MAP1A: variants seen among roughly 807,000 people sequenced by gnomAD.
MAP1A encodes the protein microtubule associated protein 1A.
A neutral mutation model predicts 185.9 loss-of-function variants in MAP1A; 42 were observed. The observed-to-expected ratio is 0.23, with a 90% CI of 0.18 to 0.29. MAP1A has a LOEUF of 0.29. MAP1A is among the 10% of genes least tolerant of loss of function. The pLI is 1.00. For missense variants in MAP1A, 2,995 were observed against 3,450.4 expected (o/e 0.87, Z 3.31); for synonymous variants, 1,229 against 1,335.9 (o/e 0.92, Z 1.74).
In MAP1A at chr15:43,524,318, G is replaced by C; in HGVS notation, c.2845G>C (p.Glu949Gln). The change falls in exon 4 of 6, where the codon GAG (glutamate) becomes CAG (glutamine). Residue 949 changes from glutamate (E) to glutamine (Q), a missense_variant. By Grantham distance (29) the Glu-to-Gln change is conservative. Transcript: ENST00000300231. ...EEEEEETANV[E>Q]MSEKLCSQYG... Reference sequence around the variant, plus strand: ...GGAAGAGGAGGAGACAGCAAACGTAGAGATGTCTGAGAAACTTTGCAGTCA... The same window carrying C: ...GGAAGAGGAGGAGACAGCAAACGTACAGATGTCTGAGAAACTTTGCAGTCA... The C allele has an allele frequency of 6.2e-7, 1 of 1,614,246 alleles. No individual in the cohort carries two copies. Among genetic ancestry groups the C allele is most frequent in the Non-Finnish European group, 8.5e-7 (1 of 1,180,046 alleles).
In MAP1A at chr15:43,511,204, C is replaced by A. The variant is rs758936688; in HGVS notation, c.216C>A (p.Ala72=). 79 of 1,550,478 alleles carry A rather than the reference C, an allele frequency of 5.1e-5. No individual in the cohort carries two copies. The Middle Eastern group carries it at 1.2e-3, about 23-fold the overall frequency. Reference sequence around the variant, plus strand: ...TCGGTACAGAGAGTCAGCTGAGGGCCGTGCGGGCCCACCTTGAACAAGGTG... The same window carrying A: ...TCGGTACAGAGAGTCAGCTGAGGGCAGTGCGGGCCCACCTTGAACAAGGTG... Residue 72 remains alanine, a synonymous_variant, in exon 1 of 7, where the codon GCC becomes GCA. Transcript: ENST00000382031.
chr15:43,520,592 A>G lies in MAP1A; in HGVS notation c.-374-49A>G, dbSNP rs893818055. The G allele has an allele frequency of 2.0e-5, 25 of 1,232,552 alleles. No homozygotes were observed. In the African/African-American group the frequency reaches 3.5e-4, roughly 17 times the overall value. 76.4% of individuals were successfully genotyped at this position (1,232,552 alleles called of 1,614,324 possible). A position where few individuals can be genotyped will look rare whatever the true frequency, so the allele number is the denominator to read the frequency against. On this transcript the variant is annotated intron_variant, in intron 1 of 5. Coordinates refer to ENST00000300231, the MANE Select transcript of MAP1A (RefSeq NM_002373.6). ...AGCACATTCTTTCCTCTCCTGCACCACAATTTCTATACCTATTCTCAATAT... is the reference window on the plus strand; with the variant it reads ...AGCACATTCTTTCCTCTCCTGCACCGCAATTTCTATACCTATTCTCAATAT...
chr15:43,521,369 C>T lies in MAP1A; in HGVS notation c.-105C>T. ...TAGAGACCCTGGGATACAGGCCTTC[C>T]TTACCGTGTCCTGCTTAGGGGAAGG... On this transcript the variant is annotated 5_prime_UTR_variant, in exon 4 of 6. Transcript: ENST00000300231. The surrounding 1 kb of genome is among the most constrained non-coding windows in gnomAD (Gnocchi z 4.6). 6.2e-7 allele frequency: 1 copy of T among 1,613,566 alleles called. No individual in the cohort carries two copies.
Position 43,522,599 on chromosome 15 carries a change from A to C in MAP1A, c.1126A>C (p.Lys376Gln). 1 of 1,612,790 alleles carries C rather than the reference A, an allele frequency of 6.2e-7. No individual in the cohort carries two copies. Among genetic ancestry groups the C allele is most frequent in the South Asian group, 1.1e-5 (1 of 90,872 alleles). Residue 376 changes from lysine to glutamine, a missense_variant, in exon 4 of 6, where the codon AAG (lysine) becomes CAG (glutamine). Lys to Gln is a moderately conservative substitution (Grantham distance 53). Coordinates refer to ENST00000300231, the MANE Select transcript of MAP1A (RefSeq NM_002373.6). The surrounding 1 kb of genome is among the most constrained non-coding windows in gnomAD (Gnocchi z 5.9). ...SSEKPPEKPAKPERVKTESSE... is the reference protein window; with the variant it reads ...SSEKPPEKPAQPERVKTESSE... Reference sequence around the variant, plus strand: ...TGAGAAGCCCCCAGAGAAGCCTGCCAAGCCTGAGAGGGTGAAGACAGAGTC... The same window carrying C: ...TGAGAAGCCCCCAGAGAAGCCTGCCCAGCCTGAGAGGGTGAAGACAGAGTC...
chr15:43,520,288 C>G (rs2079314234), intron 1 of MAP1A, among the ~76,000 whole-genome samples: 1 of 152,174 alleles, frequency 6.6e-6, no homozygotes, highest in Non-Finnish European at 1.5e-5. Context: ...CTGAGCCCCC[C>G]ATCCCCAGGC....
In MAP1A at chr15:43,523,527, T is replaced by A. The variant is rs766988607; in HGVS notation, c.2054T>A (p.Met685Lys). ...GCTGAGGGTTTTTACCAAAAACATA[T>A]GCAGGAACCCTTGAAGGTAACTCCA... ...TKAEGFYQKH[M>K]QEPLKVTPRS... Residue 685 changes from methionine (M) to lysine (K), a missense_variant, in exon 4 of 6, where the codon ATG becomes AAG. Transcript: ENST00000300231. The A allele has an allele frequency of 5.0e-6, 8 of 1,614,084 alleles. No individual in the cohort carries two copies. In the East Asian group the frequency reaches 1.8e-4, roughly 36 times the overall value.
Position 43,521,999 on chromosome 15 carries a change from C to T in MAP1A, c.526C>T (p.Leu176=). 1 of 1,614,226 alleles carries T rather than the reference C, an allele frequency of 6.2e-7. No homozygotes were observed. Among genetic ancestry groups the T allele is most frequent in the Non-Finnish European group, 8.5e-7 (1 of 1,180,040 alleles). The part of the protein sequence containing the change: ...LNRLGIQAEP[L]YRVVSNTIEP... The stretch of plus-strand genomic sequence containing the variant: ...CCGCCTGGGCATCCAGGCTGAGCCT[C>T]TATATCGTGTGGTCAGCAATACCAT... Residue 176 remains leucine (L), a synonymous_variant, in exon 4 of 6, where the codon CTA becomes TTA. Transcript: ENST00000300231. The surrounding 1 kb of genome is among the most constrained non-coding windows in gnomAD (Gnocchi z 4.6).
rs569512426 is a variant in MAP1A, at chr15:43,529,945, T to C, written c.8256+75T>C. 8 of 1,562,194 alleles carry C rather than the reference T, an allele frequency of 5.1e-6. No homozygotes were observed. In the African/African-American group the frequency reaches 1.1e-4, roughly 21 times the overall value. ...AGGCAGTAGTGGAACACAGTCCCTA[T>C]TTATTAAAGGATGGGCCTTTTCTAA... On this transcript the variant is annotated intron_variant, in intron 5 of 5. Transcript: ENST00000300231. The surrounding 1 kb of genome is among the most constrained non-coding windows in gnomAD (Gnocchi z 4.3).
chr15:43,528,017 T>A lies in MAP1A; in HGVS notation c.6544T>A (p.Ser2182Thr). 5.0e-6 allele frequency: 8 copies of A among 1,613,936 alleles called. No individual in the cohort carries two copies. The highest frequency in any genetic ancestry group is 6.8e-6 in the Non-Finnish European group (8 of 1,179,998). The change falls in exon 4 of 6, where the codon TCT (serine) becomes ACT (threonine). Residue 2182 changes from serine to threonine, a missense_variant. Around this residue, in one of 3 missense-constraint regions of MAP1A, gnomAD observed 2,728 missense variants for 2,986.0 expected, o/e 0.91. Transcript: ENST00000300231. ...SLQPAPPQLP[S>T]PAEPRSAPCG... The stretch of plus-strand genomic sequence containing the variant: ...GCAGCCAGCTCCCCCACAGCTGCCC[T>A]CTCCAGCTGAACCCCGCTCGGCACC...
chr15:43,524,979 C>T lies in MAP1A; in HGVS notation c.3506C>T (p.Thr1169Ile), dbSNP rs1282311352. The change falls in exon 4 of 6, where the codon ACC (threonine) becomes ATC (isoleucine). Residue 1169 changes from threonine (T) to isoleucine (I), a missense_variant. Thr to Ile is a moderately conservative substitution (Grantham distance 89). This residue lies in a region of MAP1A where 2,728 missense variants were observed against 2,986.0 expected (regional missense o/e 0.91). Coordinates refer to ENST00000300231, the MANE Select transcript of MAP1A (RefSeq NM_002373.6). ...PSPDTANQEP[T>I]PKSPCGLTEQ... ...CCAGACACTGCCAACCAAGAGCCTA[C>T]CCCCAAGTCTCCCTGTGGCCTGACA... is the stretch of plus-strand genomic sequence containing the variant. The T allele has an allele frequency of 1.9e-6, 3 of 1,614,166 alleles. No individual in the cohort carries two copies. Among genetic ancestry groups the T allele is most frequent in the Admixed American group, 1.7e-5 (1 of 60,026 alleles).
chr15:43,522,196 G>A lies in MAP1A; in HGVS notation c.723G>A (p.Val241=). 1 of 1,614,256 alleles carries A rather than the reference G, an allele frequency of 6.2e-7. No individual in the cohort carries two copies. Among genetic ancestry groups the A allele is most frequent in the Non-Finnish European group, 8.5e-7 (1 of 1,180,052 alleles). Reference sequence around the variant, plus strand: ...ATGGGAAGGAGGCTGAGATCTCCGTGCCCTACCTTACCTCTATCACTGCTC... The same window carrying A: ...ATGGGAAGGAGGCTGAGATCTCCGTACCCTACCTTACCTCTATCACTGCTC... ...LPNGKEAEIS[V]PYLTSITALV... The change falls in exon 4 of 6, where the codon GTG becomes GTA. Residue 241 remains valine, a synonymous_variant. Coordinates refer to ENST00000300231, the MANE Select transcript of MAP1A (RefSeq NM_002373.6). This position sits in a 1 kb window ranked among gnomAD's most constrained non-coding sequence, Gnocchi z 5.9.
In MAP1A at chr15:43,529,220, G is replaced by A. The variant is rs1379065570; in HGVS notation, c.7747G>A (p.Glu2583Lys). ...CCCTGATGTGTGCATGGCTGACCCC[G>A]AGGGGCTCAGCTCAGAGTCTGGGAG... ...PRPDVCMADP[E>K]GLSSESGRVE... Residue 2583 changes from glutamate (E) to lysine (K), a missense_variant, in exon 4 of 6, where the codon GAG becomes AAG. Transcript: ENST00000300231. The surrounding 1 kb of genome is among the most constrained non-coding windows in gnomAD (Gnocchi z 4.3). 4 of 1,232,650 alleles carry A rather than the reference G, an allele frequency of 3.2e-6. No individual in the cohort carries two copies. Among genetic ancestry groups the A allele is most frequent in the Non-Finnish European group, 2.2e-6 (2 of 897,816 alleles). 76.4% of individuals were successfully genotyped at this position (1,232,650 alleles called of 1,614,324 possible).
At position 43,523,386 on chromosome 15, in the gene MAP1A, C is replaced by G. The variant is rs1264824383; in HGVS notation, c.1913C>G (p.Thr638Arg). ...GAAGCAGAGAGGCTCCCAGACAGAACAGAAGCCAGAGAGGAAAGTGAACCT... is the reference window on the plus strand; with the variant it reads ...GAAGCAGAGAGGCTCCCAGACAGAAGAGAAGCCAGAGAGGAAAGTGAACCT... ...QREAERLPDR[T>R]EAREESEPEV... The change falls in exon 4 of 6, where the codon ACA (threonine) becomes AGA (arginine). Residue 638 changes from threonine to arginine, a missense_variant. Physicochemically the swap from Thr to Arg is moderately conservative, Grantham distance 71. Coordinates refer to ENST00000300231, the MANE Select transcript of MAP1A (RefSeq NM_002373.6). 1 of 1,612,086 alleles carries G rather than the reference C, an allele frequency of 6.2e-7. No homozygotes were observed. Among genetic ancestry groups the G allele is most frequent in the Admixed American group, 1.7e-5 (1 of 59,712 alleles).
chr15:43,521,604 C>T lies in MAP1A; in HGVS notation c.131C>T (p.Pro44Leu). 1 of 1,614,144 alleles carries T rather than the reference C, an allele frequency of 6.2e-7. No individual in the cohort carries two copies. Among genetic ancestry groups the T allele is most frequent in the Non-Finnish European group, 8.5e-7 (1 of 1,180,026 alleles). ...KLSKPCCYIF[P>L]GGRGDSALFA... is the part of the protein sequence containing the mutation. ...TCCAAGCCTTGTTGCTACATCTTCC[C>T]AGGTGGTCGTGGGGACTCTGCCCTC... Residue 44 changes from proline to leucine, a missense_variant, in exon 4 of 6, where the codon CCA becomes CTA. Pro to Leu is a moderately conservative substitution (Grantham distance 98). Around this residue, in one of 3 missense-constraint regions of MAP1A, gnomAD observed 264 missense variants for 435.3 expected, o/e 0.61. Transcript: ENST00000300231. This position sits in a 1 kb window ranked among gnomAD's most constrained non-coding sequence, Gnocchi z 4.6.
In MAP1A at chr15:43,523,876, C is replaced by T; in HGVS notation, c.2403C>T (p.Val801=). The change falls in exon 4 of 6, where the codon GTC becomes GTT. Residue 801 remains valine, a synonymous_variant. Coordinates refer to ENST00000300231, the MANE Select transcript of MAP1A (RefSeq NM_002373.6). ...DSAVPATSGK[V]YGTPETELTY... ...CTGTTCCTGCTACCTCTGGCAAAGTCTATGGAACGCCAGAGACTGAACTCA... is the reference window on the plus strand; with the variant it reads ...CTGTTCCTGCTACCTCTGGCAAAGTTTATGGAACGCCAGAGACTGAACTCA... 1 of 1,614,202 alleles carries T rather than the reference C, an allele frequency of 6.2e-7. No individual in the cohort carries two copies. The highest frequency in any genetic ancestry group is 8.5e-7 in the Non-Finnish European group (1 of 1,180,016).
intron 1 of MAP1A, among the ~76,000 whole-genome samples, chr15:43,518,384 C>T (rs1200877110): frequency 1.3e-5 from 2 of 152,106 alleles, no homozygotes; most frequent in Middle Eastern, 3.2e-3. Context: ...CCTGCATTTC[C>T]AGTCGTGTCA....
rs981628451 is a variant in MAP1A, at chr15:43,523,217, G to A, written c.1744G>A (p.Gly582Arg). Residue 582 changes from glycine (G) to arginine (R), a missense_variant, in exon 4 of 6, where the codon GGG becomes AGG. Gly to Arg is a moderately radical substitution (Grantham distance 125). Around this residue, in one of 3 missense-constraint regions of MAP1A, gnomAD observed 2,728 missense variants for 2,986.0 expected, o/e 0.91. Coordinates refer to ENST00000300231, the MANE Select transcript of MAP1A (RefSeq NM_002373.6). ...CCAGGGAACACCACCCTCTGTTCCA[G>A]GGCTGGGACAAGAAGAACATGTGAT... Reference protein sequence around the residue: ...AIQGTPPSVPGLGQEEHVMKE... With the variant: ...AIQGTPPSVPRLGQEEHVMKE... The A allele has an allele frequency of 9.3e-6, 15 of 1,614,198 alleles. No individual in the cohort carries two copies. Among genetic ancestry groups the A allele is most frequent in the Middle Eastern group, 1.6e-4 (1 of 6,062 alleles).
rs952585752 is a variant in MAP1A at position 43,525,120 on chromosome 15, A to G, written c.3647A>G (p.Gln1216Arg). Residue 1216 changes from glutamine to arginine, a missense_variant, in exon 4 of 6, where the codon CAG (glutamine) becomes CGG (arginine). Transcript: ENST00000300231. ...KETSLDVSSK[Q>R]LSPESLGTLQ... ...ACCTCCCTGGATGTCTCTTCTAAGC[A>G]GCTCTCTCCAGAAAGCCTTGGCACC... is the stretch of plus-strand genomic sequence containing the variant. The G allele has an allele frequency of 1.9e-6, 3 of 1,614,088 alleles. 1 individual carries two copies. Among genetic ancestry groups the G allele is most frequent in the Admixed American group, 3.3e-5 (2 of 59,996 alleles).
In MAP1A at chr15:43,524,111, A is replaced by G. The variant is rs766377642; in HGVS notation, c.2638A>G (p.Thr880Ala). 1 of 1,614,124 alleles carries G rather than the reference A, an allele frequency of 6.2e-7. No individual in the cohort carries two copies. Among genetic ancestry groups the G allele is most frequent in the African/African-American group, 1.3e-5 (1 of 75,034 alleles). ...DTVTSIPSSR[T>A]EATQGLDYVP... ...AGTCACAAGCATCCCTTCCTCCCGT[A>G]CTGAAGCTACGCAGGGCTTGGACTA... Residue 880 changes from threonine (T) to alanine (A), a missense_variant, in exon 4 of 6, where the codon ACT becomes GCT. This residue lies in a region of MAP1A where 2,728 missense variants were observed against 2,986.0 expected (regional missense o/e 0.91). Coordinates refer to ENST00000300231, the MANE Select transcript of MAP1A (RefSeq NM_002373.6).
Sources: allele counts gnomAD v4.1 joint callset (sites outside exome capture counted in the v4.1 genomes callset), GRCh38; gene constraint gnomAD v4.1.1; regional missense constraint gnomAD v4.1.1; non-coding constraint Gnocchi (gnomAD v3.1); transcripts MANE v1.5; gene names NCBI Gene and HGNC (gene_info 2026-07-23, HGNC 2026-07-21).